Variants in SAMD12 observed in about 807,000 individuals in gnomAD.
SAMD12 encodes the protein sterile alpha motif domain-containing protein 12.
A neutral mutation model predicts 15.0 loss-of-function variants in SAMD12; 9 were observed. That is an observed-to-expected ratio of 0.60 (90% CI 0.36 to 1.05). The LOEUF (loss-of-function observed/expected upper bound fraction) is 1.05. Ranked by LOEUF, SAMD12 falls within the 50% of genes least tolerant of loss-of-function variation. SAMD12 has a pLI of 0.01. For missense variants in SAMD12, 230 were observed against 234.2 expected (o/e 0.98, Z 0.12); for synonymous variants, 86 against 90.1 (o/e 0.96, Z 0.25).
chr8:118,366,846 T>C (rs1487706177), intron 4 of SAMD12, among the ~76,000 whole-genome samples: 5 of 96,384 alleles, frequency 5.2e-5, no homozygotes, highest in East Asian at 5.4e-4. Context: ...TAAAATAAAA[T>C]AAAATAAAAT....
At chr8:118,234,563 T>C (rs941406643) in intron 4 of SAMD12, among the ~76,000 whole-genome samples, 2 of 151,920 alleles carry the variant, frequency 1.3e-5, no homozygotes, top group African/African-American at 4.8e-5. Context: ...ATACAAAAAT[T>C]AGCCAGGCAT....
chr8:118,458,606 C>T (rs1823326387), intron 2 of SAMD12, among the ~76,000 whole-genome samples: 1 of 152,260 alleles, frequency 6.6e-6, no homozygotes, highest in Non-Finnish European at 1.5e-5. Flanking sequence ...TTCTCTGTTC[C>T]TCCATTACAT....
chr8:118,405,749 A>G (rs1484209452), intron 3 of SAMD12, among the ~76,000 whole-genome samples: 1 of 152,208 alleles, frequency 6.6e-6, no homozygotes, highest in African/African-American at 2.4e-5. Context: ...ATTTTGTCCT[A>G]GAATTTGAAA....
At chr8:118,445,702 T>G (rs1399576687) in intron 2 of SAMD12, among the ~76,000 whole-genome samples, 1 of 152,222 alleles carries the variant, frequency 6.6e-6, no homozygotes, top group East Asian at 1.9e-4. Flanking sequence ...TATTTCACAT[T>G]CTTCCATCTT....
chr8:118,523,809 A>C (rs941016655), intron 2 of SAMD12, among the ~76,000 whole-genome samples: 1 of 152,040 alleles, frequency 6.6e-6, no homozygotes, highest in Non-Finnish European at 1.5e-5. Flanking sequence ...ATGGAAACTC[A>C]TTATGTCTGA....
In SAMD12 at chr8:118,434,826, C is replaced by T. The variant is rs1488228859; in HGVS notation, c.322+5006G>A. Among the ~76,000 whole-genome samples the T allele has an allele frequency of 1.2e-4, 3 of 25,282 alleles. 1 individual carries two copies. Among genetic ancestry groups the T allele is most frequent in the Non-Finnish European group, 2.6e-4 (2 of 7,624 alleles). 16.6% of individuals were successfully genotyped at this position (25,282 alleles called of 152,430 possible). On this transcript the variant is annotated intron_variant, in intron 3 of 3. Transcript: ENST00000314727. ...TTTTTAAAGTGTGCTTCTGGCCGGG[C>T]GCGGTGGCTCACGCCTGTAATCCCA...
exon 5 of SAMD12, chr8:118,197,730 A>C: frequency 6.2e-7 from 1 of 1,613,426 alleles, no homozygotes; most frequent in Non-Finnish European, 8.5e-7. Context: ...CCCTCAGATG[A>C]TGCTGCAAGA....
chr8:118,613,775 CT>C (rs1248336174), intron 1 of SAMD12, among the ~76,000 whole-genome samples: 1 of 152,134 alleles, frequency 6.6e-6, no homozygotes, highest in Non-Finnish European at 1.5e-5. Flanking sequence ...TGAAATTTCT[CT>C]TTGTAATCAA....
At chr8:118,158,713 C>T in the SAMD12 span, among the ~76,000 whole-genome samples, 6 of 152,144 alleles carry the variant, frequency 3.9e-5, no homozygotes, top group Non-Finnish European at 8.8e-5. Flanking sequence ...CCCATGGCTG[C>T]CCATGGACCA....
At chr8:118,345,055 G>A (rs1254948926) in intron 4 of SAMD12, among the ~76,000 whole-genome samples, 4 of 152,140 alleles carry the variant, frequency 2.6e-5, no homozygotes, top group African/African-American at 9.7e-5. Context: ...CTCACCCAGA[G>A]CAACCTCCAG....
intron 2 of SAMD12, among the ~76,000 whole-genome samples, chr8:118,524,903 C>A (rs1161250397): frequency 6.6e-6 from 1 of 152,178 alleles, no homozygotes; most frequent in Non-Finnish European, 1.5e-5. Flanking sequence ...TAAGTGGGAT[C>A]CCTGCTTCCT....
the SAMD12 span, among the ~76,000 whole-genome samples, chr8:118,136,541 G>A: frequency 6.6e-6 from 1 of 152,190 alleles, no homozygotes; most frequent in Non-Finnish European, 1.5e-5. Context: ...CTATAGTTTT[G>A]TCATCCTTTG....
intron 4 of SAMD12, among the ~76,000 whole-genome samples, chr8:118,298,231 A>T (rs1814827318): frequency 6.6e-6 from 1 of 152,236 alleles, no homozygotes; most frequent in Non-Finnish European, 1.5e-5. Flanking sequence ...TCCATAAATG[A>T]ATGCTCAAAA....
chr8:118,484,181 T>C (rs1045396957), intron 2 of SAMD12, among the ~76,000 whole-genome samples: 2 of 152,040 alleles, frequency 1.3e-5, no homozygotes, highest in East Asian at 3.8e-4. Flanking sequence ...GGTGGTCATG[T>C]GCATATCTGA....
chr8:118,292,349 G>GACACACACACACACACACACCC (rs1814430115), intron 4 of SAMD12, among the ~76,000 whole-genome samples: 1 of 137,624 alleles, frequency 7.3e-6, no homozygotes, highest in Admixed American at 7.3e-5. Flanking sequence ...CAAACACACA[G>GACACACACACACACACACACCC]ACACACACAC....
chr8:118,582,171 T>C (rs1349230712), intron 1 of SAMD12, among the ~76,000 whole-genome samples: 1 of 152,186 alleles, frequency 6.6e-6, no homozygotes, highest in Non-Finnish European at 1.5e-5. Context: ...CCCTCCTTAA[T>C]AGATATCATC....
chr8:118,529,008 C>T (rs1825610536), intron 2 of SAMD12, among the ~76,000 whole-genome samples: 1 of 152,162 alleles, frequency 6.6e-6, no homozygotes, highest in Non-Finnish European at 1.5e-5. Context: ...CTACACTTTC[C>T]AGCTTGCAAG....
intron 3 of SAMD12, among the ~76,000 whole-genome samples, chr8:118,422,898 G>A (rs1334155145): frequency 6.6e-6 from 1 of 152,180 alleles, no homozygotes; most frequent in Non-Finnish European, 1.5e-5. Context: ...GGTGTGGGAG[G>A]AGCAAGGGAC....
At chr8:118,337,413 T>C (rs538455999) in intron 4 of SAMD12, among the ~76,000 whole-genome samples, 1 of 152,164 alleles carries the variant, frequency 6.6e-6, no homozygotes, top group South Asian at 2.1e-4. Flanking sequence ...CATGCTTTCT[T>C]TATTTCACCT....
Sources: allele counts gnomAD v4.1 joint callset (sites outside exome capture counted in the v4.1 genomes callset), GRCh38; gene constraint gnomAD v4.1.1; transcripts MANE v1.5; gene names NCBI Gene and HGNC (gene_info 2026-07-23, HGNC 2026-07-21).